The following SPINK7 variants were observed in gnomAD, a reference collection of about 807,000 sequenced individuals.
SPINK7 encodes the protein serine protease inhibitor Kazal-type 7.
A neutral mutation model predicts 11.6 loss-of-function variants in SPINK7; 8 were observed. The observed-to-expected ratio is 0.69, with a 90% CI of 0.41 to 1.25. SPINK7 has a LOEUF of 1.25. Ranked by LOEUF, SPINK7 falls within the 50% of genes most tolerant of loss-of-function variation. The pLI, the probability that SPINK7 is intolerant of heterozygous loss-of-function variation, is 0.01. For missense variants in SPINK7, 113 were observed against 99.3 expected (o/e 1.14, Z -0.58); for synonymous variants, 38 against 35.3 (o/e 1.08, Z -0.27).
At chr5:148,312,953 A>G (rs1045451538) in intron 1 of SPINK7, among the ~76,000 whole-genome samples, 3 of 152,070 alleles carry the variant, frequency 2.0e-5, no homozygotes, top group African/African-American at 7.2e-5. Flanking sequence ...TTATACTGTG[A>G]AAAATTAATT....
At position 148,315,797 on chromosome 5, in the gene SPINK7, C is replaced by A. The variant is rs1756925040; in HGVS notation, c.*113C>A. Reference sequence around the variant, plus strand: ...CTGATGTTCTGGGTGGGGGACAGAGCCAGATTCAGAGTAATCTTGACTGAA... The same window carrying A: ...CTGATGTTCTGGGTGGGGGACAGAGACAGATTCAGAGTAATCTTGACTGAA... On this transcript the variant is annotated 3_prime_UTR_variant, in exon 4 of 4. Coordinates refer to ENST00000274565, the MANE Select transcript of SPINK7 (RefSeq NM_032566.3). 1.5e-6 allele frequency: 1 copy of A among 652,030 alleles called. No homozygotes were observed. The highest frequency in any genetic ancestry group is 2.6e-5 in the East Asian group (1 of 37,878). 40.4% of individuals were successfully genotyped at this position (652,030 alleles called of 1,614,324 possible).
In SPINK7 at chr5:148,315,682, T is replaced by C; in HGVS notation, c.256T>C (p.Ter86GlnextTer61). 1.9e-6 allele frequency: 3 copies of C among 1,577,540 alleles called. No homozygotes were observed. Among genetic ancestry groups the C allele is most frequent in the South Asian group, 2.2e-5 (2 of 90,220 alleles). ...RVQFLHDGSC[*>Q] ...TCAGTTTCTTCACGATGGAAGTTGC[T>C]AAATTCTCCATGGACATAGAGAGAA... Residue 86 changes from the stop codon to glutamine, a stop_lost, in exon 4 of 4, where the codon TAA (stop) becomes CAA (glutamine). Coordinates refer to ENST00000274565, the MANE Select transcript of SPINK7 (RefSeq NM_032566.3).
intron 2 of SPINK7, 117 bp from the exon 3 acceptor site, chr5:148,313,983 G>A: frequency 1.5e-6 from 2 of 1,293,722 alleles, no homozygotes; most frequent in East Asian, 2.3e-5. Context: ...ACTTAAAGAA[G>A]TGGCCAAGCA....
intron 2 of SPINK7, 159 bp downstream of exon 2, chr5:148,313,558 A>G: frequency 2.1e-6 from 1 of 470,524 alleles, no homozygotes; most frequent in Non-Finnish European, 3.8e-6. Context: ...CAAATATGAC[A>G]TACATATAAA....
chr5:148,312,671 G>T, intron 1 of SPINK7, 127 bp downstream of exon 1: 1 of 600,386 alleles, frequency 1.7e-6, no homozygotes, highest in African/African-American at 1.9e-5. Context: ...TTTGTAATAG[G>T]ATCTTATGTT....
At position 148,315,916 on chromosome 5, in the gene SPINK7, G is replaced by T; in HGVS notation, c.*232G>T. On this transcript the variant is annotated 3_prime_UTR_variant, in exon 4 of 4. Coordinates refer to ENST00000274565, the MANE Select transcript of SPINK7 (RefSeq NM_032566.3). ...ACGTCAATAAAAAAATAATCTCCCA[G>T]AAAGTTTATCTTTGCTTCTGTTTGT... The T allele has an allele frequency of 2.6e-6, 1 of 378,468 alleles. No homozygotes were observed. The highest frequency in any genetic ancestry group is 1.2e-4 in the South Asian group (1 of 8,194). 23.4% of individuals were successfully genotyped at this position (378,468 alleles called of 1,614,324 possible). A position where few individuals can be genotyped will look rare whatever the true frequency, so the allele number is the denominator to read the frequency against.
intron 2 of SPINK7, 69 bp from the exon 3 acceptor site, chr5:148,314,028 TGTA>T (rs2113398973): frequency 6.3e-7 from 1 of 1,594,630 alleles, no homozygotes; most frequent in East Asian, 2.2e-5. Flanking sequence ...TTCCAGCCCT[TGTA>T]GTATATCTAA....
chr5:148,312,537 C>CAGCTCAGGTA lies in SPINK7; in HGVS notation c.57_61+5dup. On this transcript the variant is annotated frameshift_variant, in exon 1 of 4. Coordinates refer to ENST00000274565, the MANE Select transcript of SPINK7 (RefSeq NM_032566.3). LOFTEE classifies it high-confidence loss of function. ...TCTGTACAGTGGTCTATTTCTGTAG[C>CAGCTCAGGTA]AGCTCAGGTAAGTTAAGGTCAGACA... is the stretch of plus-strand genomic sequence containing the variant. 6.2e-7 allele frequency: 1 copy of CAGCTCAGGTA among 1,603,624 alleles called. No homozygotes were observed. Among genetic ancestry groups the CAGCTCAGGTA allele is most frequent in the Non-Finnish European group, 8.5e-7 (1 of 1,171,838 alleles).
At chr5:148,315,323 C>G (rs1405382500) in intron 3 of SPINK7, among the ~76,000 whole-genome samples, 1 of 152,036 alleles carries the variant, frequency 6.6e-6, no homozygotes, top group East Asian at 1.9e-4. Flanking sequence ...GACTTGCTGA[C>G]CAGGAAAAGC....
intron 3 of SPINK7, chr5:148,314,531 C>A (rs915503355): frequency 1.3e-5 from 5 of 396,156 alleles, no homozygotes; most frequent in Non-Finnish European, 2.3e-5. Context: ...TCTATAGAGG[C>A]AAGTCAGGAG....
intron 3 of SPINK7, among the ~76,000 whole-genome samples, chr5:148,315,067 T>C (rs900268842): frequency 3.6e-4 from 55 of 152,186 alleles, no homozygotes; most frequent in African/African-American, 1.3e-3. Context: ...TTTTGGACAC[T>C]TAGATCTTGC....
intron 2 of SPINK7, chr5:148,313,664 A>G: frequency 2.5e-6 from 1 of 405,522 alleles, no homozygotes; most frequent in South Asian, 5.6e-5. Flanking sequence ...CATAAAAGGC[A>G]TAACGTGTAA....
Position 148,315,695 on chromosome 5 carries a change from G to A in SPINK7, c.*11G>A. The A allele has an allele frequency of 6.6e-7, 1 of 1,506,348 alleles. No individual in the cohort carries two copies. The highest frequency in any genetic ancestry group is 1.1e-5 in the South Asian group (1 of 88,516). 93.3% of individuals were successfully genotyped at this position (1,506,348 alleles called of 1,614,324 possible). On this transcript the variant is annotated 3_prime_UTR_variant, in exon 4 of 4. Coordinates refer to ENST00000274565, the MANE Select transcript of SPINK7 (RefSeq NM_032566.3). ...GATGGAAGTTGCTAAATTCTCCATGGACATAGAGAGAAAGGAATGATATTC... is the reference window on the plus strand; with the variant it reads ...GATGGAAGTTGCTAAATTCTCCATGAACATAGAGAGAAAGGAATGATATTC...
At position 148,314,053 on chromosome 5, in the gene SPINK7, C is replaced by A. The variant is rs774805200; in HGVS notation, c.88-47C>A. On this transcript the variant is annotated intron_variant, in intron 2 of 3. Transcript: ENST00000274565. ...TGTAGTATATCTAATAGTGGCCTAG[C>A]TTGGGGTCTGGGAGAAAAACAGGAC... The A allele has an allele frequency of 2.5e-6, 4 of 1,611,590 alleles. No individual in the cohort carries two copies. The African/African-American group carries it at 5.3e-5, about 22-fold the overall frequency.
chr5:148,315,531 CTGTAAAA>C, intron 3 of SPINK7, 101 bp from the exon 4 acceptor site: 1 of 601,958 alleles, frequency 1.7e-6, no homozygotes, highest in Non-Finnish European at 3.0e-6. Context: ...GTTTCCTTAT[CTGTAAAA>C]TGAGGTGCTG....
At chr5:148,314,965 TG>T (rs1756910871) in intron 3 of SPINK7, among the ~76,000 whole-genome samples, 1 of 152,198 alleles carries the variant, frequency 6.6e-6, no homozygotes, top group Non-Finnish European at 1.5e-5. Context: ...GCTAGGCAGA[TG>T]TCACTTCTTT....
Position 148,313,371 on chromosome 5 carries a change from C to T in SPINK7, c.62-3C>T. ...AACATCTTCATCTGTATCTCTTTTT[C>T]AGAAGCTGCTAGTCTGTCTCCAAAA... On this transcript the variant is annotated splice_polypyrimidine_tract_variant and splice_region_variant and intron_variant, in intron 1 of 3. Transcript: ENST00000274565. The T allele has an allele frequency of 6.3e-7, 1 of 1,599,382 alleles. No individual in the cohort carries two copies. Among genetic ancestry groups the T allele is most frequent in the Non-Finnish European group, 8.5e-7 (1 of 1,170,656 alleles).
At chr5:148,313,320 T>G in intron 1 of SPINK7, 54 bp from the exon 2 acceptor site, 284 of 1,392,064 alleles carry the variant, frequency 2.0e-4, no homozygotes, top group Non-Finnish European at 2.5e-4. Context: ...TATTAATTAA[T>G]GAGATTTAAA....
chr5:148,314,268 C>G (rs781288613), intron 3 of SPINK7, 44 bp downstream of exon 3: 3 of 1,604,382 alleles, frequency 1.9e-6, no homozygotes, highest in East Asian at 2.2e-5. Context: ...AGTCAGTGCT[C>G]TCTACTACAA....
Sources: gnomAD v4.1 joint callset for allele counts (sites outside exome capture counted in the v4.1 genomes callset) on GRCh38, gnomAD v4.1.1 for gene constraint, MANE v1.5 for transcripts, NCBI Gene and HGNC (gene_info 2026-07-23, HGNC 2026-07-21) for gene names.